Variants in LUZP1 observed in about 807,000 individuals in gnomAD.
The protein encoded by LUZP1 is leucine zipper protein 1, also known as filamin mechanobinding actin cross-linking protein.
A neutral mutation model predicts 71.3 loss-of-function variants in LUZP1; 25 were observed. The ratio of observed to expected loss-of-function variants is 0.35; its 90% CI spans 0.26 to 0.49. The LOEUF (loss-of-function observed/expected upper bound fraction) is 0.49. LUZP1 is among the 20% of genes least tolerant of loss of function. LUZP1 has a pLI of 0.99. For missense variants in LUZP1, 1,142 were observed against 1,300.8 expected, an observed-to-expected ratio of 0.88 and a Z score of 1.88; for synonymous variants, 481 against 506.4, an observed-to-expected ratio of 0.95 and a Z score of 0.67.
chr1:23,124,488 C>T (rs1644155927), intron 2 of LUZP1, among the ~76,000 whole-genome samples: 1 of 152,216 alleles, frequency 6.6e-6, no homozygotes, highest in South Asian at 2.1e-4. Flanking sequence ...GAATTCTCCT[C>T]TGTTGCTTTG....
chr1:23,090,732 C>G, intron 4 of LUZP1: 1 of 643,856 alleles, frequency 1.6e-6, no homozygotes. Flanking sequence ...CTGTGAAGAT[C>G]TGCTAACTGA....
chr1:23,168,777 C>G (rs1179378395), exon 2 of LUZP1: 1 of 152,978 alleles, frequency 6.5e-6, no homozygotes, highest in Non-Finnish European at 1.5e-5. Context: ...TCTGCGGCCC[C>G]GAACCGCGCT....
chr1:23,166,343 T>C (rs1644509599), intron 2 of LUZP1, among the ~76,000 whole-genome samples: 1 of 152,098 alleles, frequency 6.6e-6, no homozygotes. Context: ...TTCTGACCTT[T>C]GGCTTGCTCA....
chr1:23,151,936 A>T (rs1319958909), intron 2 of LUZP1, among the ~76,000 whole-genome samples: 2 of 150,746 alleles, frequency 1.3e-5, no homozygotes, highest in Non-Finnish European at 3.0e-5. Flanking sequence ...CAGGAGGCGG[A>T]GGTTGCAGTG....
At chr1:23,137,697 A>T (rs978984502) in intron 2 of LUZP1, among the ~76,000 whole-genome samples, 1 of 152,216 alleles carries the variant, frequency 6.6e-6, no homozygotes, top group Non-Finnish European at 1.5e-5. Context: ...AATAAAAAAA[A>T]GACAGACAAT....
intron 2 of LUZP1, among the ~76,000 whole-genome samples, chr1:23,165,953 G>C (rs1453494247): frequency 6.9e-6 from 1 of 145,280 alleles, no homozygotes; most frequent in Non-Finnish European, 1.5e-5. Context: ...CATTTTAACA[G>C]AAATGCTTTC....
At chr1:23,140,086 CCTA>C (rs1239072082) in intron 2 of LUZP1, among the ~76,000 whole-genome samples, 1 of 152,064 alleles carries the variant, frequency 6.6e-6, no homozygotes, top group African/African-American at 2.4e-5. Flanking sequence ...GAGGGACCAC[CCTA>C]CTACTACCCC....
chr1:23,122,034 T>A (rs1458149507), intron 2 of LUZP1, among the ~76,000 whole-genome samples: 5 of 151,866 alleles, frequency 3.3e-5, no homozygotes, highest in Non-Finnish European at 5.9e-5. Flanking sequence ...ATTAATTAAT[T>A]AATTAATTAA....
rs984954116 is a variant in LUZP1, at chr1:23,152,893, A to G, written c.-226+15873T>C. On this transcript the variant is annotated intron_variant, in intron 2 of 4. Transcript: ENST00000302291. Reference sequence around the variant, plus strand: ...CTTTCTTTTCTTCTTTCTCTACGTTATTAAGTCCCATCTCTTCCTTCTCCA... The same window carrying G: ...CTTTCTTTTCTTCTTTCTCTACGTTGTTAAGTCCCATCTCTTCCTTCTCCA... 2.0e-5 allele frequency among the ~76,000 whole-genome samples: 3 copies of G among 152,042 alleles called. No individual in the cohort carries two copies. The East Asian group carries it at 5.8e-4, about 29-fold the overall frequency.
chr1:23,110,714 T>C (rs932438745), intron 2 of LUZP1, among the ~76,000 whole-genome samples: 1 of 151,452 alleles, frequency 6.6e-6, no homozygotes, highest in Non-Finnish European at 1.5e-5. Flanking sequence ...AGAATTACAA[T>C]GGACAAATAA....
intron 2 of LUZP1, among the ~76,000 whole-genome samples, chr1:23,164,222 G>A (rs140552475): frequency 0.17 from 26,621 of 152,132 alleles, 2,455 homozygotes; most frequent in Middle Eastern, 0.3. Flanking sequence ...CCGGCTGGGC[G>A]CGGTGGCTCA....
intron 3 of LUZP1, among the ~76,000 whole-genome samples, chr1:23,097,858 T>C (rs1456471338): frequency 6.6e-6 from 1 of 151,904 alleles, no homozygotes; most frequent in Non-Finnish European, 1.5e-5. Context: ...AATAAGCAGA[T>C]AGACAGATAG....
At chr1:23,164,709 T>C (rs1308081455) in intron 2 of LUZP1, among the ~76,000 whole-genome samples, 1 of 152,130 alleles carries the variant, frequency 6.6e-6, no homozygotes, top group Non-Finnish European at 1.5e-5. Context: ...CAAGCCACAA[T>C]TGCTACCTAA....
intron 2 of LUZP1, among the ~76,000 whole-genome samples, chr1:23,163,008 G>A (rs112388274): frequency 0.013 from 1,912 of 152,084 alleles, 23 homozygotes; most frequent in Non-Finnish European, 0.018. Flanking sequence ...TTTGGAGGCC[G>A]AGGCAGGCGG....
At chr1:23,115,940 T>C (rs747313605) in intron 2 of LUZP1, among the ~76,000 whole-genome samples, 4 of 152,246 alleles carry the variant, frequency 2.6e-5, no homozygotes, top group Admixed American at 2.6e-4. Flanking sequence ...AAAATTGTTA[T>C]TCACCTACGG....
chr1:23,145,178 C>G (rs570025635), intron 2 of LUZP1, among the ~76,000 whole-genome samples: 1 of 152,034 alleles, frequency 6.6e-6, no homozygotes, highest in South Asian at 2.1e-4. Flanking sequence ...GCTGGGCTTA[C>G]AGGTGAGCCA....
In LUZP1 at chr1:23,128,001, C is replaced by T. The variant is rs556019769; in HGVS notation, c.-225-18874G>A. Among the ~76,000 whole-genome samples the T allele has an allele frequency of 1.8e-4, 27 of 152,006 alleles. No homozygotes were observed. In the South Asian group the frequency reaches 5.0e-3, roughly 28 times the overall value. The stretch of plus-strand genomic sequence containing the variant: ...CGAAAATTAGCTGGGTGTGGTGGCA[C>T]GTGCCTGTAATCCCAGCTACTCGGG... On this transcript the variant is annotated intron_variant, in intron 2 of 4. Coordinates refer to ENST00000302291, the Ensembl canonical transcript of LUZP1.
intron 3 of LUZP1, among the ~76,000 whole-genome samples, chr1:23,103,831 AGAGGGAGAGAGGGAGGGAGG>A (rs1643952310): frequency 5.1e-5 from 3 of 58,280 alleles, no homozygotes; most frequent in African/African-American, 1.5e-4. Flanking sequence ...AGGGAGGAAG[AGAGGGAGAGAGGGAGGGAGG>A]GAGGGAGGGA....
chr1:23,137,896 G>A (rs1395140590), intron 2 of LUZP1, among the ~76,000 whole-genome samples: 2 of 152,184 alleles, frequency 1.3e-5, no homozygotes, highest in East Asian at 1.9e-4. Context: ...ACCAAAACTT[G>A]TAGAAGTATT....
Sources: gnomAD v4.1 joint callset for allele counts (sites outside exome capture counted in the v4.1 genomes callset) on GRCh38, gnomAD v4.1.1 for gene constraint, MANE v1.5 for transcripts, NCBI Gene and HGNC (gene_info 2026-07-23, HGNC 2026-07-21) for gene names.